Variants in FOXN3 observed in about 807,000 individuals in gnomAD.
FOXN3 encodes forkhead box protein N3.
In FOXN3, 7 loss-of-function variants were observed where a neutral mutation model predicts 38.4. The observed-to-expected ratio is 0.18, with a 90% CI of 0.10 to 0.34. The LOEUF is 0.34. FOXN3 is among the 10% of genes least tolerant of loss of function. The pLI is 1.00. For synonymous variants in FOXN3, 230 were observed against 242.2 expected, an observed-to-expected ratio of 0.95 and a Z score of 0.47; for missense variants, 456 against 613.4, an observed-to-expected ratio of 0.74 and a Z score of 2.71.
intron 3 of FOXN3, among the ~76,000 whole-genome samples, chr14:89,297,559 C>CAAAAA (rs919496715): frequency 9.7e-6 from 1 of 103,556 alleles, no homozygotes; most frequent in Non-Finnish European, 2.0e-5. Flanking sequence ...GACTCCCTTT[C>CAAAAA]AAAAAAAAAA....
rs1462900757 is a variant in FOXN3 at position 89,164,396 on chromosome 14, A to G, written c.852-1427T>C. 6.6e-6 allele frequency among the ~76,000 whole-genome samples: 1 copy of G among 152,066 alleles called. No individual in the cohort carries two copies. Among genetic ancestry groups the G allele is most frequent in the South Asian group, 2.1e-4 (1 of 4,820 alleles). ...GGCCCGGTTTCCTGTAAGCTCATCT[A>G]CCTCGTGATCCATTTCTAAGAGTTC... On this transcript the variant is annotated intron_variant, in intron 5 of 5. Coordinates refer to ENST00000557258, the MANE Select transcript of FOXN3 (RefSeq NM_005197.4). This position sits in a 1 kb window ranked among gnomAD's most constrained non-coding sequence, Gnocchi z 4.3.
At chr14:89,172,407 C>T (rs975850410) in intron 5 of FOXN3, among the ~76,000 whole-genome samples, 1 of 152,124 alleles carries the variant, frequency 6.6e-6, no homozygotes, top group African/African-American at 2.4e-5. Context: ...GAGTATTAAT[C>T]CACAACAAAT....
intron 1 of FOXN3, among the ~76,000 whole-genome samples, chr14:89,594,037 C>T (rs1017021325): frequency 1.3e-5 from 2 of 152,198 alleles, no homozygotes; most frequent in Non-Finnish European, 2.9e-5. Flanking sequence ...TTGTTTTTAT[C>T]GGTATGTCAC....
intron 2 of FOXN3, among the ~76,000 whole-genome samples, chr14:89,398,624 G>T (rs741275): frequency 0.17 from 25,625 of 152,090 alleles, 2,817 homozygotes; most frequent in East Asian, 0.33. Flanking sequence ...CCTAGAAGAG[G>T]TATTCTGAGG....
At chr14:89,336,250 T>TCCATCCATCCATCCATTCATC (rs1566960019) in intron 3 of FOXN3, among the ~76,000 whole-genome samples, 2 of 6,688 alleles carry the variant, frequency 3.0e-4, no homozygotes, top group Non-Finnish European at 9.1e-4. Context: ...ATCCATCCAT[T>TCCATCCATCCATCCATTCATC]CATCCATCCA....
intron 3 of FOXN3, among the ~76,000 whole-genome samples, chr14:89,289,509 C>T (rs1333417842): frequency 6.6e-6 from 1 of 152,142 alleles, no homozygotes; most frequent in South Asian, 2.1e-4. Flanking sequence ...CTGTTTCCTC[C>T]CATCAATCTG....
Position 89,412,047 on chromosome 14 carries a change from T to C in FOXN3, c.430A>G (p.Ile144Val). 6.2e-7 allele frequency: 1 copy of C among 1,613,426 alleles called. No homozygotes were observed. Among genetic ancestry groups the C allele is most frequent in the Non-Finnish European group, 8.5e-7 (1 of 1,179,768 alleles). ...RLPVKDIYNW[I>V]LEHFPYFANA... ...GCAAAATACGGAAAATGTTCCAAGA[T>C]CCAGTTGTAGATATCCTTCACTGGC... Residue 144 changes from isoleucine (I) to valine (V), a missense_variant, in exon 2 of 6, where the codon ATC becomes GTC. Around this residue, in one of 3 missense-constraint regions of FOXN3, gnomAD observed 386 missense variants for 505.2 expected, o/e 0.76. Coordinates refer to ENST00000557258, the MANE Select transcript of FOXN3 (RefSeq NM_005197.4). The surrounding 1 kb of genome is among the most constrained non-coding windows in gnomAD (Gnocchi z 4.7).
At chr14:89,530,139 C>T (rs1894525227) in intron 1 of FOXN3, among the ~76,000 whole-genome samples, 1 of 152,064 alleles carries the variant, frequency 6.6e-6, no homozygotes, top group South Asian at 2.1e-4. Context: ...AGGGTTTCAT[C>T]ATGTTGGTCA....
chr14:89,297,080 A>C (rs1417157076), intron 3 of FOXN3, among the ~76,000 whole-genome samples: 1 of 152,146 alleles, frequency 6.6e-6, no homozygotes, highest in Non-Finnish European at 1.5e-5. Flanking sequence ...AATACTTTTC[A>C]AACATAAGTG....
chr14:89,267,396 G>A lies in FOXN3; in HGVS notation c.745+13554C>T, dbSNP rs74078151. On this transcript the variant is annotated intron_variant, in intron 4 of 5. Transcript: ENST00000557258. ...ACGCTGGAAAGACAGGGAAGCAGCT[G>A]CCTTCGCTAGGTTAGGTGGCTCACC... 6.7e-3 allele frequency among the ~76,000 whole-genome samples: 1,019 copies of A among 152,268 alleles called. 10 individuals carry two copies. The highest frequency in any genetic ancestry group is 0.023 in the African/African-American group (945 of 41,554).
At position 89,206,815 on chromosome 14, in the gene FOXN3, C is replaced by T. The variant is rs563431950; in HGVS notation, c.746-26009G>A. The stretch of plus-strand genomic sequence containing the variant: ...TTCAACATTCTTCTAGAAAGAGTTT[C>T]GACTTTTTTTTCTTCTTTTTTTAAA... On this transcript the variant is annotated intron_variant, in intron 4 of 5. Transcript: ENST00000557258. Among the ~76,000 whole-genome samples the T allele has an allele frequency of 1.5e-3, 224 of 152,270 alleles. 1 individual carries two copies. The highest frequency in any genetic ancestry group is 6.8e-3 in the Middle Eastern group (2 of 294).
intron 4 of FOXN3, among the ~76,000 whole-genome samples, chr14:89,269,320 C>T (rs146201647): frequency 1.3e-5 from 2 of 152,218 alleles, no homozygotes; most frequent in East Asian, 1.9e-4. Flanking sequence ...TGTAAAGTTC[C>T]GTATCACTGC....
chr14:89,525,673 A>C (rs1894419410), intron 1 of FOXN3, among the ~76,000 whole-genome samples: 1 of 151,168 alleles, frequency 6.6e-6, no homozygotes, highest in South Asian at 2.1e-4. Flanking sequence ...AGATAGTGTC[A>C]GTGGTGAATT....
intron 3 of FOXN3, among the ~76,000 whole-genome samples, chr14:89,297,631 A>G (rs1218592581): frequency 6.6e-6 from 1 of 152,188 alleles, no homozygotes; most frequent in African/African-American, 2.4e-5. Context: ...TATATACCCA[A>G]AACAACTGAA....
At chr14:89,511,934 A>T (rs953920312) in intron 1 of FOXN3, among the ~76,000 whole-genome samples, 1 of 152,198 alleles carries the variant, frequency 6.6e-6, no homozygotes, top group Non-Finnish European at 1.5e-5. Context: ...TCACAAGAAC[A>T]GGATGGGGAA....
At chr14:89,186,634 G>A (rs1321357085) in intron 4 of FOXN3, among the ~76,000 whole-genome samples, 1 of 152,202 alleles carries the variant, frequency 6.6e-6, no homozygotes, top group Non-Finnish European at 1.5e-5. Flanking sequence ...TGACTGTTCT[G>A]AAGGCAGCAT....
chr14:89,373,668 AAC>A (rs1890389176), intron 2 of FOXN3, among the ~76,000 whole-genome samples: 1 of 152,158 alleles, frequency 6.6e-6, no homozygotes, highest in Admixed American at 6.5e-5. Flanking sequence ...CCCAGGGCCT[AAC>A]ACAGTGCCTG....
At chr14:89,544,964 G>A (rs2139853784) in intron 1 of FOXN3, among the ~76,000 whole-genome samples, 1 of 152,322 alleles carries the variant, frequency 6.6e-6, no homozygotes, top group South Asian at 2.1e-4. Flanking sequence ...AAAGCATGAA[G>A]AGAACAGTGG....
At chr14:89,430,008 T>C (rs1194406087) in intron 1 of FOXN3, among the ~76,000 whole-genome samples, 3 of 152,256 alleles carry the variant, frequency 2.0e-5, no homozygotes, top group African/African-American at 7.2e-5. Flanking sequence ...TTAATCAAGT[T>C]TAAGCAGACA....
Sources: gnomAD v4.1 joint callset for allele counts (sites outside exome capture counted in the v4.1 genomes callset) on GRCh38, gnomAD v4.1.1 for gene constraint, gnomAD v4.1.1 regional missense constraint, Gnocchi (gnomAD v3.1) non-coding constraint, MANE v1.5 for transcripts, NCBI Gene and HGNC (gene_info 2026-07-23, HGNC 2026-07-21) for gene names.